Variants in FRMD4B observed in about 807,000 individuals in gnomAD.
FRMD4B encodes FERM domain containing 4B.
Under a neutral mutation model 141.5 loss-of-function variants are expected in FRMD4B, and 74 were observed. The observed-to-expected ratio is 0.52, with a 90% CI of 0.43 to 0.63. FRMD4B has a LOEUF of 0.63. Ranked by LOEUF, FRMD4B falls within the 30% of genes least tolerant of loss-of-function variation. FRMD4B has a pLI of 0.00. For missense variants in FRMD4B, 1,366 were observed against 1,253.4 expected (o/e 1.09, Z -1.36); for synonymous variants, 506 against 467.9 (o/e 1.08, Z -1.05).
intron 1 of FRMD4B, among the ~76,000 whole-genome samples, chr3:69,325,125 G>GAAAGAAAGAA (rs758351887): frequency 2.7e-5 from 4 of 150,012 alleles, no homozygotes; most frequent in Non-Finnish European, 4.5e-5. Flanking sequence ...AAGAAAGAAA[G>GAAAGAAAGAA]AAAAGAAATT....
rs866254259 is a variant in FRMD4B at position 69,292,986 on chromosome 3, G to A, written c.417-5150C>T. 1.5e-5 allele frequency: 7 copies of A among 453,814 alleles called. No individual in the cohort carries two copies. In the Middle Eastern group the frequency reaches 2.3e-3, roughly 148 times the overall value. 28.1% of individuals were successfully genotyped at this position (453,814 alleles called of 1,614,324 possible). A position where few individuals can be genotyped will look rare whatever the true frequency, so the allele number is the denominator to read the frequency against. On this transcript the variant is annotated intron_variant, in intron 4 of 22. Coordinates refer to ENST00000398540, the MANE Select transcript of FRMD4B (RefSeq NM_015123.3). ...TTGGAGACAAACCTCGGCTTCACAA[G>A]TGTAATTTCTTGAGAAGAGAATTTG...
chr3:69,325,138 T>C (rs1702152934), intron 1 of FRMD4B, among the ~76,000 whole-genome samples: 1 of 114,002 alleles, frequency 8.8e-6, no homozygotes, highest in African/African-American at 3.2e-5. Flanking sequence ...AAGAAATTAA[T>C]TGATGGAGAG....
chr3:69,284,062 A>G (rs949694948), intron 5 of FRMD4B, among the ~76,000 whole-genome samples: 3 of 152,138 alleles, frequency 2.0e-5, no homozygotes, highest in African/African-American at 7.2e-5. Context: ...AACCTTGAAC[A>G]AGGCGAGCCC....
At chr3:69,279,610 C>T (rs867629377) in intron 5 of FRMD4B, among the ~76,000 whole-genome samples, 3 of 152,100 alleles carry the variant, frequency 2.0e-5, no homozygotes, top group South Asian at 2.1e-4. Context: ...CAGGCACATG[C>T]CACCATGCCC....
intron 7 of FRMD4B, among the ~76,000 whole-genome samples, chr3:69,231,390 C>A (rs984733940): frequency 6.6e-6 from 1 of 152,160 alleles, no homozygotes; most frequent in African/African-American, 2.4e-5. Flanking sequence ...TGGGTTTAAA[C>A]GATTCTCCTT....
At position 69,312,849 on chromosome 3, in the gene FRMD4B, A is replaced by G. The variant is rs576011849; in HGVS notation, c.228+603T>C. Among the ~76,000 whole-genome samples the G allele has an allele frequency of 2.0e-5, 3 of 151,912 alleles. No individual in the cohort carries two copies. The South Asian group carries it at 6.3e-4, about 32-fold the overall frequency. On this transcript the variant is annotated intron_variant, in intron 2 of 22. Coordinates refer to ENST00000398540, the MANE Select transcript of FRMD4B (RefSeq NM_015123.3). Reference sequence around the variant, plus strand: ...GGTTGCAGTGAGCTGAGATTATGCTACTGCATTCCAGCCTGGGCAACAGAG... The same window carrying G: ...GGTTGCAGTGAGCTGAGATTATGCTGCTGCATTCCAGCCTGGGCAACAGAG...
At chr3:69,193,923 T>A (rs2092869756) in intron 16 of FRMD4B, 50 bp from the exon 17 acceptor site, 1 of 1,120,330 alleles carries the variant, frequency 8.9e-7, no homozygotes, top group African/African-American at 1.6e-5. Flanking sequence ...TACAATCAAC[T>A]CTTACATGCA....
intron 1 of FRMD4B, among the ~76,000 whole-genome samples, chr3:69,531,634 A>G (rs1498842): frequency 0.23 from 35,340 of 152,174 alleles, 4,318 homozygotes; most frequent in African/African-American, 0.29. Context: ...TAGTGAAAGC[A>G]TCTATCGAAT....
chr3:69,512,317 CAAA>C, intron 1 of FRMD4B, among the ~76,000 whole-genome samples: 1 of 152,136 alleles, frequency 6.6e-6, no homozygotes, highest in South Asian at 2.1e-4. Context: ...GGAAGGCAAA[CAAA>C]GAAGAAAGCC....
chr3:69,314,869 G>T (rs950937896), intron 1 of FRMD4B, among the ~76,000 whole-genome samples: 1 of 151,980 alleles, frequency 6.6e-6, no homozygotes, highest in African/African-American at 2.4e-5. Flanking sequence ...ATTCATTGGT[G>T]TGTTTAACGT....
chr3:69,330,145 T>A (rs978718055), intron 1 of FRMD4B, among the ~76,000 whole-genome samples: 1 of 152,012 alleles, frequency 6.6e-6, no homozygotes, highest in African/African-American at 2.4e-5. Context: ...TAGCTCATCC[T>A]GGGGCTCGAC....
At chr3:69,270,031 TTTAGA>T (rs1275840667) in intron 5 of FRMD4B, among the ~76,000 whole-genome samples, 1 of 152,122 alleles carries the variant, frequency 6.6e-6, no homozygotes, top group Non-Finnish European at 1.5e-5. Context: ...TTCTTTTTTT[TTTAGA>T]GACGGGTTCT....
intron 1 of FRMD4B, among the ~76,000 whole-genome samples, chr3:69,365,510 T>TTG (rs1703612323): frequency 1.0e-5 from 1 of 95,524 alleles, no homozygotes; most frequent in African/African-American, 6.4e-5. Context: ...CCTTTGTTTT[T>TTG]TTTCTTTTTT....
Position 69,287,806 on chromosome 3 carries a change from C to T in FRMD4B, c.447G>A (p.Lys149=), listed in dbSNP as rs1316329160. Residue 149 remains lysine (K), a synonymous_variant, in exon 5 of 23, where the codon AAG becomes AAA. Transcript: ENST00000398540. Reference sequence around the variant, plus strand: ...AAAACAGCTCCACGGTGGTTTTATCCTTTAAAAACGATATGCTCTCAATGT... The same window carrying T: ...AAAACAGCTCCACGGTGGTTTTATCTTTTAAAAACGATATGCTCTCAATGT... ...RFYIESISFL[K]DKTTVELFFL... is the part of the protein sequence containing the mutation. 17 of 1,595,126 alleles carry T rather than the reference C, an allele frequency of 1.1e-5. No individual in the cohort carries two copies. The highest frequency in any genetic ancestry group is 1.5e-5 in the Non-Finnish European group (17 of 1,166,474).
intron 1 of FRMD4B, among the ~76,000 whole-genome samples, chr3:69,356,035 G>GA (rs33976252): frequency 0.99 from 150,130 of 152,032 alleles, 74,160 homozygotes; most frequent in East Asian, 1. Context: ...TCTCAAAAAA[G>GA]AAAAAAAATT....
chr3:69,523,012 A>C (rs1297931005), intron 1 of FRMD4B, among the ~76,000 whole-genome samples: 1 of 152,160 alleles, frequency 6.6e-6, no homozygotes, highest in African/African-American at 2.4e-5. Flanking sequence ...TCTGAGGGAA[A>C]AATTTTCAGG....
chr3:69,267,593 G>GTATATA (rs2093569677), intron 5 of FRMD4B, among the ~76,000 whole-genome samples: 3 of 98,016 alleles, frequency 3.1e-5, no homozygotes, highest in African/African-American at 1.3e-4. Context: ...GTGTGTGTGT[G>GTATATA]TGTATATATA....
At chr3:69,253,015 G>A (rs2093472529) in intron 5 of FRMD4B, among the ~76,000 whole-genome samples, 1 of 151,942 alleles carries the variant, frequency 6.6e-6, no homozygotes, top group Admixed American at 6.6e-5. Flanking sequence ...TAGGTCACCG[G>A]GTTCAGGTGC....
intron 1 of FRMD4B, among the ~76,000 whole-genome samples, chr3:69,483,526 G>T (rs1001858169): frequency 1.3e-5 from 2 of 152,210 alleles, no homozygotes; most frequent in Non-Finnish European, 2.9e-5. Context: ...GCTTAAAATG[G>T]ATTGTAGAAC....
Sources: gnomAD v4.1 joint callset for allele counts (sites outside exome capture counted in the v4.1 genomes callset) on GRCh38, gnomAD v4.1.1 for gene constraint, MANE v1.5 for transcripts, NCBI Gene and HGNC (gene_info 2026-07-23, HGNC 2026-07-21) for gene names.